The following NIPA1 variants were observed in gnomAD, a reference collection of about 807,000 sequenced individuals.
NIPA1 encodes the protein magnesium transporter NIPA1.
In NIPA1, 13 loss-of-function variants were observed where a neutral mutation model predicts 23.9. That is an observed-to-expected ratio of 0.54 (90% CI 0.35 to 0.87). The LOEUF (loss-of-function observed/expected upper bound fraction) is 0.87. Among genes scored for constraint, NIPA1 ranks in the 40% least tolerant of loss-of-function variants. The probability of loss-of-function intolerance (pLI) is 0.01; values close to 1 mark genes in which losing one functional copy is unlikely to be tolerated. For synonymous variants in NIPA1, 234 were observed against 202.9 expected, an observed-to-expected ratio of 1.15 and a Z score of -1.30; for missense variants, 362 against 429.7, an observed-to-expected ratio of 0.84 and a Z score of 1.39.
At position 22,825,668 on chromosome 15, in the gene NIPA1, C is replaced by T. The variant is rs1270496767; in HGVS notation, c.*1429C>T. On this transcript the variant is annotated 3_prime_UTR_variant, in exon 5 of 5. Transcript: ENST00000337435. ...TGTCATACAGGAACAAGTTAAAGGA[C>T]ACAATTGAGGTTAGGCTAGCTTCTA... is the stretch of plus-strand genomic sequence containing the variant. The T allele has an allele frequency of 1.3e-5, 2 of 152,240 alleles. No individual in the cohort carries two copies. The highest frequency in any genetic ancestry group is 2.9e-5 in the Non-Finnish European group (2 of 68,032). The allele number at this position is 152,240 out of a possible 1,614,324, so 9.4% of individuals were successfully genotyped here.
At chr15:22,811,386 T>C (rs1006723777) in intron 2 of NIPA1, among the ~76,000 whole-genome samples, 23 of 152,096 alleles carry the variant, frequency 1.5e-4, no homozygotes, top group African/African-American at 5.3e-4. Context: ...GACAGGTGGA[T>C]TGTTTGAGCC....
intron 1 of NIPA1, among the ~76,000 whole-genome samples, chr15:22,806,000 T>C (rs1162818270): frequency 6.6e-6 from 1 of 152,124 alleles, no homozygotes; most frequent in Admixed American, 6.6e-5. Context: ...CTCGGCTCAC[T>C]GCAAGCTCCG....
intron 1 of NIPA1, among the ~76,000 whole-genome samples, chr15:22,808,049 A>G (rs1348314507): frequency 6.6e-6 from 1 of 152,034 alleles, no homozygotes; most frequent in Non-Finnish European, 1.5e-5. Flanking sequence ...TCGGCCTCGC[A>G]AAGTGCTGGG....
intron 4 of NIPA1, among the ~76,000 whole-genome samples, chr15:22,821,148 G>T (rs973887713): frequency 2.0e-5 from 3 of 151,384 alleles, no homozygotes; most frequent in Non-Finnish European, 4.4e-5. Context: ...TGTATTTTTA[G>T]TAGAGATGGG....
At chr15:22,801,507 CTTTTTTTTTT>C (rs35360583) in intron 1 of NIPA1, among the ~76,000 whole-genome samples, 2 of 78,944 alleles carry the variant, frequency 2.5e-5, no homozygotes. Flanking sequence ...CTTCTAGCGA[CTTTTTTTTTT>C]TTTTTTTTTT....
chr15:22,820,221 G>T, intron 3 of NIPA1, 92 bp from the exon 4 acceptor site: 1 of 967,414 alleles, frequency 1.0e-6, no homozygotes, highest in Non-Finnish European at 1.6e-6. Context: ...AGAAGAAAAA[G>T]AAAATGGTTT....
Position 22,790,630 on chromosome 15 carries a change from T to C in NIPA1, c.178+3796T>C, listed in dbSNP as rs1212434748. Reference sequence around the variant, plus strand: ...GGTTTCTCCATATTGGTCAGGCTGGTCTCGAACTTCCAAACTCAGGTGATC... The same window carrying C: ...GGTTTCTCCATATTGGTCAGGCTGGCCTCGAACTTCCAAACTCAGGTGATC... On this transcript the variant is annotated intron_variant, in intron 1 of 4. Transcript: ENST00000337435. 3.3e-5 allele frequency among the ~76,000 whole-genome samples: 5 copies of C among 151,982 alleles called. 1 individual carries two copies. The East Asian group carries it at 9.7e-4, about 29-fold the overall frequency.
intron 1 of NIPA1, among the ~76,000 whole-genome samples, chr15:22,796,022 C>T (rs577569175): frequency 6.6e-6 from 1 of 152,184 alleles, no homozygotes; most frequent in African/African-American, 2.4e-5. Flanking sequence ...GCTTCGACCT[C>T]CTGGGCTCAA....
intron 1 of NIPA1, among the ~76,000 whole-genome samples, chr15:22,808,586 T>C (rs1895259179): frequency 6.6e-6 from 1 of 152,136 alleles, no homozygotes. Context: ...CCCATGGAGG[T>C]GACTCAGTAA....
chr15:22,803,317 A>T (rs1323917674), intron 1 of NIPA1, among the ~76,000 whole-genome samples: 1 of 151,678 alleles, frequency 6.6e-6, no homozygotes, highest in South Asian at 2.1e-4. Flanking sequence ...GTTCTACCGT[A>T]TTATTGACTG....
intron 1 of NIPA1, among the ~76,000 whole-genome samples, chr15:22,805,742 T>C (rs985700441): frequency 6.6e-6 from 1 of 152,140 alleles, no homozygotes; most frequent in African/African-American, 2.4e-5. Context: ...TTTTTATACA[T>C]TAATTTACAA....
At chr15:22,787,415 C>G (rs1894731943) in intron 1 of NIPA1, among the ~76,000 whole-genome samples, 1 of 152,224 alleles carries the variant, frequency 6.6e-6, no homozygotes, top group Non-Finnish European at 1.5e-5. Flanking sequence ...TCCTGGGGTG[C>G]TCTTACGGAG....
intron 3 of NIPA1, chr15:22,814,086 T>C: frequency 1.6e-6 from 2 of 1,279,878 alleles, no homozygotes; most frequent in African/African-American, 3.0e-5. Flanking sequence ...TCTGCAGGTG[T>C]TACTCACTGT....
chr15:22,820,213 A>C, intron 3 of NIPA1, 100 bp from the exon 4 acceptor site: 1 of 898,626 alleles, frequency 1.1e-6, no homozygotes, highest in Non-Finnish European at 1.8e-6. Context: ...GGAAAAAAAG[A>C]AGAAAAAGAA....
At chr15:22,813,731 A>G (rs529515287) in intron 3 of NIPA1, 3 of 452,776 alleles carry the variant, frequency 6.6e-6, no homozygotes, top group East Asian at 1.4e-4. Flanking sequence ...TGACCTAAAT[A>G]CCATGTTTTT....
At position 22,786,772 on chromosome 15, in the gene NIPA1, GC is replaced by G; in HGVS notation, c.118del (p.Leu40TrpfsTer2). 1 of 1,321,690 alleles carries G rather than the reference GC, an allele frequency of 7.6e-7. No homozygotes were observed. Among genetic ancestry groups the G allele is most frequent in the Non-Finnish European group, 9.9e-7 (1 of 1,014,784 alleles). 81.9% of individuals were successfully genotyped at this position (1,321,690 alleles called of 1,614,324 possible). ...SLGLGVAVVS[S>X]LVNGSTFVLQ... ...GGCCTGGGCGTGGCCGTCGTGTCGA[GC>G]CTGGTGAACGGGTCCACGTTCGTGC... On this transcript the variant is annotated frameshift_variant, in exon 1 of 5. Coordinates refer to ENST00000337435, the MANE Select transcript of NIPA1 (RefSeq NM_144599.5). LOFTEE classifies it high-confidence loss of function.
chr15:22,801,077 GA>G (rs34922903), intron 1 of NIPA1, among the ~76,000 whole-genome samples: 107,325 of 145,716 alleles, frequency 0.74, 40,532 homozygotes, highest in African/African-American at 0.93. Context: ...TCCAGCTCAA[GA>G]AAAAAAAAAA....
intron 4 of NIPA1, among the ~76,000 whole-genome samples, chr15:22,820,982 T>TTTC (rs1317068585): frequency 1.4e-4 from 21 of 148,208 alleles, no homozygotes; most frequent in Admixed American, 1.3e-3. Flanking sequence ...TTTCTTTTCT[T>TTTC]TTTTTTTTTT....
At chr15:22,790,877 G>T (rs1436814678) in intron 1 of NIPA1, among the ~76,000 whole-genome samples, 1 of 152,174 alleles carries the variant, frequency 6.6e-6, no homozygotes, top group Non-Finnish European at 1.5e-5. Flanking sequence ...GGGGAGATAC[G>T]CAAGCACCAG....
Sources: allele counts gnomAD v4.1 joint callset (sites outside exome capture counted in the v4.1 genomes callset), GRCh38; gene constraint gnomAD v4.1.1; transcripts MANE v1.5; gene names NCBI Gene and HGNC (gene_info 2026-07-23, HGNC 2026-07-21).